The following AAK1 variants were observed in gnomAD, a reference collection of about 807,000 sequenced individuals.
The protein encoded by AAK1 is AP2 associated kinase 1.
In AAK1, 37 loss-of-function variants were observed where a neutral mutation model predicts 116.0. That is an observed-to-expected ratio of 0.32 (90% CI 0.25 to 0.42). AAK1 has a LOEUF of 0.42. Ranked by LOEUF, AAK1 falls within the 10% of genes least tolerant of loss-of-function variation. The pLI is 1.00. For missense variants in AAK1, 919 were observed against 1,170.6 expected, an observed-to-expected ratio of 0.79 and a Z score of 3.14; for synonymous variants, 458 against 439.9, an observed-to-expected ratio of 1.04 and a Z score of -0.51.
chr2:69,492,515 A>ATTTTTT (rs1231383010), intron 17 of AAK1, among the ~76,000 whole-genome samples: 1 of 78,836 alleles, frequency 1.3e-5, no homozygotes, highest in African/African-American at 5.9e-5. Context: ...TGCCTGGCCA[A>ATTTTTT]TTCTTTTTTT....
intron 2 of AAK1, among the ~76,000 whole-genome samples, chr2:69,573,742 G>C (rs1478442359): frequency 6.6e-6 from 1 of 152,208 alleles, no homozygotes; most frequent in Non-Finnish European, 1.5e-5. Context: ...GCTCACACCT[G>C]TAATCCCAGC....
intron 16 of AAK1, among the ~76,000 whole-genome samples, chr2:69,503,005 C>T (rs185225166): frequency 6.6e-6 from 1 of 152,152 alleles, no homozygotes; most frequent in African/African-American, 2.4e-5. Flanking sequence ...GTGGAAACTG[C>T]TAATTTCCAG....
intron 2 of AAK1, among the ~76,000 whole-genome samples, chr2:69,635,715 A>T (rs1329936689): frequency 1.3e-5 from 2 of 152,250 alleles, no homozygotes; most frequent in Non-Finnish European, 2.9e-5. Context: ...TATTCCACTT[A>T]TATGAGGTAT....
intron 2 of AAK1, among the ~76,000 whole-genome samples, chr2:69,574,959 G>A (rs1200754563): frequency 6.6e-6 from 1 of 150,708 alleles, no homozygotes; most frequent in East Asian, 1.9e-4. Flanking sequence ...CTGCACTCCA[G>A]CCTGGGTGAC....
intron 3 of AAK1, among the ~76,000 whole-genome samples, chr2:69,550,758 T>C (rs1005270064): frequency 6.6e-6 from 1 of 152,046 alleles, no homozygotes; most frequent in Non-Finnish European, 1.5e-5. Context: ...TGGGATTACA[T>C]GTGTACACAA....
At chr2:69,478,559 C>A in intron 20 of AAK1, 1 of 204,100 alleles carries the variant, frequency 4.9e-6, no homozygotes, top group Non-Finnish European at 9.7e-6. Flanking sequence ...CTCAAGCAAT[C>A]ATCCCACCTC....
rs575065703 is a variant in AAK1, at chr2:69,512,890, T to C, written c.1776+1581A>G. Reference sequence around the variant, plus strand: ...TCATTTTATCACCCTGGATGAGCATTTGTTATAATTAAACTTAAACACAGA... The same window carrying C: ...TCATTTTATCACCCTGGATGAGCATCTGTTATAATTAAACTTAAACACAGA... On this transcript the variant is annotated intron_variant, in intron 13 of 21. Coordinates refer to ENST00000409085, the MANE Select transcript of AAK1 (RefSeq NM_014911.5). Among the ~76,000 whole-genome samples, 24 of 152,354 alleles carry C rather than the reference T, an allele frequency of 1.6e-4. No individual in the cohort carries two copies. The South Asian group carries it at 4.6e-3, about 29-fold the overall frequency.
In AAK1 at chr2:69,471,373, C is replaced by G; in HGVS notation, c.*4496G>C. On this transcript the variant is annotated 3_prime_UTR_variant, in exon 22 of 22. Transcript: ENST00000409085. Reference sequence around the variant, plus strand: ...CTCATTCTGATTTAAGAAATCTAAGCACATCCAACTTCAGAAACATTACTA... The same window carrying G: ...CTCATTCTGATTTAAGAAATCTAAGGACATCCAACTTCAGAAACATTACTA... 1.0e-6 allele frequency: 1 copy of G among 985,422 alleles called. No homozygotes were observed. Among genetic ancestry groups the G allele is most frequent in the Non-Finnish European group, 1.2e-6 (1 of 829,928 alleles). The allele number at this position is 985,422 out of a possible 1,614,324, so 61.0% of individuals were successfully genotyped here. A position where few individuals can be genotyped will look rare whatever the true frequency, so the allele number is the denominator to read the frequency against.
chr2:69,535,125 C>G lies in AAK1; in HGVS notation c.535-2963G>C, dbSNP rs549908968. The stretch of plus-strand genomic sequence containing the variant: ...GGGCTCATCTAAAACCATGCTTCTC[C>G]TATTGTATGTGTGCACTCGCTTTCT... On this transcript the variant is annotated intron_variant, in intron 5 of 21. Coordinates refer to ENST00000409085, the MANE Select transcript of AAK1 (RefSeq NM_014911.5). 5.5e-4 allele frequency among the ~76,000 whole-genome samples: 84 copies of G among 152,336 alleles called. 1 individual carries two copies. In the South Asian group the frequency reaches 7.0e-3, roughly 13 times the overall value.
intron 13 of AAK1, among the ~76,000 whole-genome samples, chr2:69,510,311 A>C (rs549803153): frequency 3.2e-4 from 48 of 152,240 alleles, no homozygotes; most frequent in Non-Finnish European, 6.3e-4. Flanking sequence ...TTGGTTTTCT[A>C]TTCCTCCAAT....
At chr2:69,485,661 T>G (rs973264172) in intron 17 of AAK1, among the ~76,000 whole-genome samples, 1 of 145,080 alleles carries the variant, frequency 6.9e-6, no homozygotes, top group Non-Finnish European at 1.5e-5. Flanking sequence ...AAATCTCTCT[T>G]TTTTTTTTTT....
At chr2:69,544,336 A>T in intron 4 of AAK1, 100 bp downstream of exon 4, 1 of 867,192 alleles carries the variant, frequency 1.2e-6, no homozygotes, top group African/African-American at 1.7e-5. Flanking sequence ...ACCAGAACAT[A>T]TCATAGAGTG....
Position 69,468,754 on chromosome 2 carries a change from T to C in AAK1, c.*7115A>G. The C allele has an allele frequency of 3.0e-6, 3 of 985,428 alleles. No individual in the cohort carries two copies. The highest frequency in any genetic ancestry group is 3.6e-6 in the Non-Finnish European group (3 of 829,930). The allele number at this position is 985,428 out of a possible 1,614,324, so 61.0% of individuals were successfully genotyped here. A position where few individuals can be genotyped will look rare whatever the true frequency, so the allele number is the denominator to read the frequency against. On this transcript the variant is annotated 3_prime_UTR_variant, in exon 22 of 22. Coordinates refer to ENST00000409085, the MANE Select transcript of AAK1 (RefSeq NM_014911.5). ...GATGCCTGAAGTGCTAGATTACATTTTGAGAACTAGGAAGTACCAAGGGGT... is the reference window on the plus strand; with the variant it reads ...GATGCCTGAAGTGCTAGATTACATTCTGAGAACTAGGAAGTACCAAGGGGT...
intron 13 of AAK1, among the ~76,000 whole-genome samples, chr2:69,513,107 T>C (rs1676453011): frequency 6.6e-6 from 1 of 152,186 alleles, no homozygotes; most frequent in African/African-American, 2.4e-5. Flanking sequence ...AGAGGAACTT[T>C]ACCTCTTGTT....
chr2:69,601,295 C>CT (rs1168742649), intron 2 of AAK1, among the ~76,000 whole-genome samples: 1 of 152,234 alleles, frequency 6.6e-6, no homozygotes, highest in Non-Finnish European at 1.5e-5. Context: ...ACTCATACAA[C>CT]TGCAGCCTTA....
At chr2:69,489,005 CTT>C (rs1437366815) in intron 17 of AAK1, among the ~76,000 whole-genome samples, 1 of 145,062 alleles carries the variant, frequency 6.9e-6, no homozygotes, top group Non-Finnish European at 1.5e-5. Context: ...GCCTGGCTAA[CTT>C]AAAACTTTTT....
chr2:69,631,610 A>C (rs1447838228), intron 2 of AAK1, among the ~76,000 whole-genome samples: 1 of 152,248 alleles, frequency 6.6e-6, no homozygotes, highest in Non-Finnish European at 1.5e-5. Context: ...AAATTTCAGG[A>C]ACTTGTCCTC....
intron 2 of AAK1, among the ~76,000 whole-genome samples, chr2:69,573,926 AG>A (rs1182292511): frequency 2.0e-5 from 3 of 151,574 alleles, no homozygotes; most frequent in Non-Finnish European, 4.4e-5. Flanking sequence ...CTGAACTTGG[AG>A]GGTAGAGCAG....
intron 2 of AAK1, among the ~76,000 whole-genome samples, chr2:69,634,500 A>T (rs976590787): frequency 6.6e-6 from 1 of 152,202 alleles, no homozygotes. Context: ...TAAGCATCTC[A>T]TATGTTCTCT....
Sources: gnomAD v4.1 joint callset for allele counts (sites outside exome capture counted in the v4.1 genomes callset) on GRCh38, gnomAD v4.1.1 for gene constraint, MANE v1.5 for transcripts, NCBI Gene and HGNC (gene_info 2026-07-23, HGNC 2026-07-21) for gene names.